ITGA9: variants seen among roughly 807,000 people sequenced by gnomAD.
ITGA9 encodes the protein integrin alpha-9.
A neutral mutation model predicts 127.8 loss-of-function variants in ITGA9; 56 were observed. The observed-to-expected ratio is 0.44, with a 90% CI of 0.35 to 0.55. The LOEUF (loss-of-function observed/expected upper bound fraction) is 0.55. ITGA9 is among the 20% of genes least tolerant of loss of function. ITGA9 has a pLI of 0.00. For synonymous variants in ITGA9, 508 were observed against 514.5 expected, an observed-to-expected ratio of 0.99 and a Z score of 0.17; for missense variants, 1,196 against 1,347.1, an observed-to-expected ratio of 0.89 and a Z score of 1.76.
chr3:37,655,378 G>T (rs1256173922), intron 17 of ITGA9, among the ~76,000 whole-genome samples: 1 of 152,136 alleles, frequency 6.6e-6, no homozygotes, highest in South Asian at 2.1e-4. Context: ...ACTTTTTAAT[G>T]ATTGCCATTC....
intron 17 of ITGA9, among the ~76,000 whole-genome samples, chr3:37,669,733 A>G (rs1700620180): frequency 6.6e-6 from 1 of 152,136 alleles, no homozygotes; most frequent in Admixed American, 6.6e-5. Context: ...AGACTTGTGG[A>G]GTAATGTGTG....
intron 4 of ITGA9, among the ~76,000 whole-genome samples, chr3:37,490,968 C>CCCA (rs1185643712): frequency 7.5e-6 from 1 of 133,660 alleles, no homozygotes; most frequent in East Asian, 2.6e-4. Flanking sequence ...ATTTGGCTTC[C>CCCA]CCCCCGCTTT....
At chr3:37,570,587 A>T (rs907236376) in intron 15 of ITGA9, among the ~76,000 whole-genome samples, 3 of 152,124 alleles carry the variant, frequency 2.0e-5, no homozygotes, top group African/African-American at 7.2e-5. Flanking sequence ...GAGGAGGAGG[A>T]TCTACTTCTG....
intron 16 of ITGA9, among the ~76,000 whole-genome samples, chr3:37,639,311 A>C (rs867403469): frequency 6.6e-6 from 1 of 152,226 alleles, no homozygotes; most frequent in Non-Finnish European, 1.5e-5. Context: ...TGCTGCCTTC[A>C]TTGGAGTCAC....
chr3:37,452,322 C>T lies in ITGA9; in HGVS notation c.-53C>T. ...GGCCGTCGGCGGGCCCCGCGGCCCGCGCGCTCGGCGCCCTGCTCGCCGGGC... is the reference window on the plus strand; with the variant it reads ...GGCCGTCGGCGGGCCCCGCGGCCCGTGCGCTCGGCGCCCTGCTCGCCGGGC... On this transcript the variant is annotated 5_prime_UTR_variant, in exon 1 of 28. Transcript: ENST00000264741. This position sits in a 1 kb window ranked among gnomAD's most constrained non-coding sequence, Gnocchi z 7.3. 2.0e-6 allele frequency: 2 copies of T among 989,216 alleles called. No individual in the cohort carries two copies. The highest frequency in any genetic ancestry group is 4.6e-5 in the South Asian group (1 of 21,510). The allele number at this position is 989,216 out of a possible 1,614,324, so 61.3% of individuals were successfully genotyped here.
chr3:37,562,092 C>T (rs370442215), intron 15 of ITGA9, among the ~76,000 whole-genome samples: 10 of 152,304 alleles, frequency 6.6e-5, no homozygotes, highest in African/African-American at 1.9e-4. Context: ...CAGAGAGCCA[C>T]GAATGGGGCA....
At chr3:37,744,856 G>A (rs1016047476) in intron 22 of ITGA9, among the ~76,000 whole-genome samples, 6 of 152,234 alleles carry the variant, frequency 3.9e-5, no homozygotes, top group Non-Finnish European at 8.8e-5. Flanking sequence ...AGGCCCAAGC[G>A]AGAAAGGATA....
intron 19 of ITGA9, 38 bp downstream of exon 19, chr3:37,732,836 C>T (rs114876272): frequency 0.025 from 37,397 of 1,479,828 alleles, 638 homozygotes; most frequent in Middle Eastern, 0.04. Context: ...CAGCAGCAGG[C>T]CCCCAGCCCT....
intron 4 of ITGA9, among the ~76,000 whole-genome samples, chr3:37,487,435 G>T (rs1396223045): frequency 2.0e-5 from 3 of 152,094 alleles, no homozygotes; most frequent in Non-Finnish European, 4.4e-5. Context: ...TTTAATCTTG[G>T]GCAAACCTGT....
chr3:37,714,002 G>A (rs557374183), intron 18 of ITGA9, among the ~76,000 whole-genome samples: 3 of 152,370 alleles, frequency 2.0e-5, no homozygotes, highest in East Asian at 1.9e-4. Flanking sequence ...CCTGTGCAGT[G>A]TCAAGGGGAC....
rs564481526 is a variant in ITGA9, at chr3:37,636,740, T to A, written c.1839+7404T>A. 2.9e-3 allele frequency among the ~76,000 whole-genome samples: 447 copies of A among 152,310 alleles called. 5 individuals carry two copies. Among genetic ancestry groups the A allele is most frequent in the South Asian group, 0.028 (136 of 4,824 alleles). On this transcript the variant is annotated intron_variant, in intron 16 of 27. Coordinates refer to ENST00000264741, the MANE Select transcript of ITGA9 (RefSeq NM_002207.3). ...TGTCCTGAATGGTATTGCCTAGGTT[T>A]TCTTCTAGGGTTTTTATGGTTTTAG...
At chr3:37,718,474 AT>A (rs998585145) in intron 18 of ITGA9, among the ~76,000 whole-genome samples, 3 of 152,150 alleles carry the variant, frequency 2.0e-5, no homozygotes, top group South Asian at 2.1e-4. Context: ...CAGAGAAGGC[AT>A]TTTTTTTCTC....
chr3:37,620,583 T>C (rs1575170061), intron 15 of ITGA9, among the ~76,000 whole-genome samples: 1 of 152,136 alleles, frequency 6.6e-6, no homozygotes, highest in African/African-American at 2.4e-5. Context: ...GTGGCCAAGG[T>C]TGCAGTTTGC....
intron 1 of ITGA9, 110 bp from the exon 2 acceptor site, chr3:37,470,897 T>G: frequency 9.2e-7 from 1 of 1,089,308 alleles, no homozygotes; most frequent in Non-Finnish European, 1.4e-6. Context: ...TAATATGATT[T>G]TCAAAGTGAG....
chr3:37,457,331 G>C (rs1348508987), intron 1 of ITGA9, among the ~76,000 whole-genome samples: 2 of 152,178 alleles, frequency 1.3e-5, no homozygotes, highest in Non-Finnish European at 2.9e-5. Flanking sequence ...TCTAGGCTCT[G>C]ATGGGGGAGA....
intron 18 of ITGA9, among the ~76,000 whole-genome samples, chr3:37,686,262 G>T (rs560585163): frequency 2.0e-5 from 3 of 151,804 alleles, no homozygotes; most frequent in African/African-American, 7.3e-5. Flanking sequence ...GCAGGGAGGG[G>T]CAGGGGATGG....
At chr3:37,805,110 G>A (rs994878222) in intron 27 of ITGA9, among the ~76,000 whole-genome samples, 2 of 152,000 alleles carry the variant, frequency 1.3e-5, no homozygotes, top group African/African-American at 4.8e-5. Flanking sequence ...CACCCAGGCT[G>A]GAAGGCAGTG....
chr3:37,755,615 G>A (rs972656816), intron 23 of ITGA9, among the ~76,000 whole-genome samples: 2 of 152,146 alleles, frequency 1.3e-5, no homozygotes, highest in African/African-American at 2.4e-5. Context: ...AAGCCATAGA[G>A]TAGAATAAAT....
intron 15 of ITGA9, among the ~76,000 whole-genome samples, chr3:37,603,229 G>A (rs1350184862): frequency 6.7e-6 from 1 of 150,066 alleles, no homozygotes; most frequent in African/African-American, 2.4e-5. Flanking sequence ...TTGAAGAACT[G>A]TGGGGTGAAA....
Sources: gnomAD v4.1 joint callset for allele counts (sites outside exome capture counted in the v4.1 genomes callset) on GRCh38, gnomAD v4.1.1 for gene constraint, Gnocchi (gnomAD v3.1) non-coding constraint, MANE v1.5 for transcripts, NCBI Gene and HGNC (gene_info 2026-07-23, HGNC 2026-07-21) for gene names.